The following TOGARAM1 variants were observed in gnomAD, a reference collection of about 807,000 sequenced individuals.
TOGARAM1 encodes TOG array regulator of axonemal microtubules protein 1.
Under a neutral mutation model 166.6 loss-of-function variants are expected in TOGARAM1, and 100 were observed. The observed-to-expected ratio is 0.60, with a 90% CI of 0.51 to 0.71. The LOEUF (loss-of-function observed/expected upper bound fraction) is 0.71, where lower values mean the gene tolerates loss of function less well. Ranked by LOEUF, TOGARAM1 falls within the 30% of genes least tolerant of loss-of-function variation. The probability of loss-of-function intolerance (pLI) is 0.00; values close to 1 mark genes in which losing one functional copy is unlikely to be tolerated. For missense variants in TOGARAM1, 2,029 were observed against 2,102.7 expected, an observed-to-expected ratio of 0.96 and a Z score of 0.69; for synonymous variants, 758 against 763.8, an observed-to-expected ratio of 0.99 and a Z score of 0.13.
Position 45,013,941 on chromosome 14 carries a change from CGT to C in TOGARAM1, c.3238+1870_3238+1871del, listed in dbSNP as rs1879961054. On this transcript the variant is annotated intron_variant, in intron 7 of 19. Transcript: ENST00000361462. ...ATTTGAGTTCCCTTGTGACCCTAGT[CGT>C]GTGACCTTGGGAGTCATTTAAGTTT... 2.0e-5 allele frequency among the ~76,000 whole-genome samples: 3 copies of C among 151,808 alleles called. No homozygotes were observed. In the East Asian group the frequency reaches 5.8e-4, roughly 29 times the overall value.
At chr14:45,059,684 CAA>C (rs1349968746) in intron 16 of TOGARAM1, among the ~76,000 whole-genome samples, 1 of 151,000 alleles carries the variant, frequency 6.6e-6, no homozygotes, top group Non-Finnish European at 1.5e-5. Context: ...CAAAACAAAA[CAA>C]AAAACAAACA....
At chr14:45,039,951 G>A (rs1197625303) in intron 11 of TOGARAM1, among the ~76,000 whole-genome samples, 1 of 152,190 alleles carries the variant, frequency 6.6e-6, no homozygotes, top group African/African-American at 2.4e-5. Context: ...CTCCAGAGGG[G>A]CTGCCACTGC....
chr14:44,962,786 G>T lies in TOGARAM1; in HGVS notation c.365G>T (p.Arg122Leu). ...AFQALQAALP[R>L]RGGRLGFPRR... ...CAGGCTTTGCAAGCTGCTTTGCCGC[G>T]GCGGGGCGGTCGACTTGGCTTCCCC... Residue 122 changes from arginine (R) to leucine (L), a missense_variant, in exon 1 of 20, where the codon CGG becomes CTG. This residue lies in a region of TOGARAM1 where 1,453 missense variants were observed against 1,432.2 expected (regional missense o/e 1.01). Transcript: ENST00000361462. The T allele has an allele frequency of 6.2e-7, 1 of 1,612,548 alleles. No homozygotes were observed. The highest frequency in any genetic ancestry group is 8.5e-7 in the Non-Finnish European group (1 of 1,180,008).
At chr14:45,068,894 A>G (rs570307552) in intron 18 of TOGARAM1, among the ~76,000 whole-genome samples, 43 of 152,212 alleles carry the variant, frequency 2.8e-4, no homozygotes, top group African/African-American at 1.0e-3. Context: ...CACATCTGCT[A>G]ACAAAACTAA....
chr14:45,039,457 A>G (rs1307168792), intron 11 of TOGARAM1, among the ~76,000 whole-genome samples: 5 of 151,878 alleles, frequency 3.3e-5, no homozygotes, highest in Admixed American at 2.0e-4. Flanking sequence ...GCCACCATCA[A>G]CCTGCTGTCC....
chr14:45,011,822 C>T, intron 6 of TOGARAM1, 153 bp from the exon 7 acceptor site: 1 of 543,222 alleles, frequency 1.8e-6, no homozygotes, highest in Non-Finnish European at 3.3e-6. Context: ...TATACACACA[C>T]ACTGTTAGCC....
Position 45,008,983 on chromosome 14 carries a change from C to A in TOGARAM1, c.2975C>A (p.Ser992Ter). The A allele has an allele frequency of 6.2e-7, 1 of 1,614,072 alleles. No individual in the cohort carries two copies. Among genetic ancestry groups the A allele is most frequent in the Non-Finnish European group, 8.5e-7 (1 of 1,179,994 alleles). The change falls in exon 6 of 20, where the codon TCA becomes TAA. Residue 992 changes from serine (S) to a stop codon, truncating the protein, a stop_gained. Transcript: ENST00000361462. LOFTEE classifies it high-confidence loss of function. Reference protein sequence around the residue: ...KKRAKLSGSTSDLESPDSAMK... With the variant: ...KKRAKLSGST ...AGAGCAAAACTGAGTGGCAGTACTT[C>A]AGATCTTGAAAGCCCTGATTCTGCA...
At chr14:44,989,947 G>A (rs1050532838) in intron 1 of TOGARAM1, among the ~76,000 whole-genome samples, 4 of 152,112 alleles carry the variant, frequency 2.6e-5, no homozygotes, top group African/African-American at 7.2e-5. Flanking sequence ...GAGAGAGAGC[G>A]AATATGTGAA....
At position 45,068,737 on chromosome 14, in the gene TOGARAM1, G is replaced by A. The variant is rs1883249944; in HGVS notation, c.4969+94G>A. 9.2e-6 allele frequency: 8 copies of A among 872,344 alleles called. No homozygotes were observed. In the South Asian group the frequency reaches 1.8e-4, roughly 20 times the overall value. The allele number at this position is 872,344 out of a possible 1,614,324, so 54.0% of individuals were successfully genotyped here. On this transcript the variant is annotated intron_variant, in intron 18 of 19. Coordinates refer to ENST00000361462, the MANE Select transcript of TOGARAM1 (RefSeq NM_001308120.2). ...CTTTTTTTGTAATGCTGAAATCCTA[G>A]TTATTCAGTTTTTTAAACTTAATAT...
At chr14:45,015,159 G>A (rs1263185850) in intron 7 of TOGARAM1, among the ~76,000 whole-genome samples, 1 of 151,814 alleles carries the variant, frequency 6.6e-6, no homozygotes, top group African/African-American at 2.4e-5. Context: ...TTAAAAAGTA[G>A]CGGAGAATGG....
At chr14:45,025,597 T>TTA in intron 7 of TOGARAM1, 186 bp from the exon 8 acceptor site, 2 of 441,390 alleles carry the variant, frequency 4.5e-6, no homozygotes, top group Non-Finnish European at 8.0e-6. Flanking sequence ...AAGGTTTAAG[T>TTA]GCCTAGTCCA....
chr14:45,026,312 G>C (rs967733134), intron 8 of TOGARAM1, among the ~76,000 whole-genome samples: 1 of 152,022 alleles, frequency 6.6e-6, no homozygotes, highest in East Asian at 1.9e-4. Flanking sequence ...CAAAATTATT[G>C]CAAGTATCCT....
At chr14:45,035,232 C>T (rs1031674454) in intron 11 of TOGARAM1, among the ~76,000 whole-genome samples, 7 of 151,966 alleles carry the variant, frequency 4.6e-5, no homozygotes, top group Non-Finnish European at 1.0e-4. Flanking sequence ...TGGTGATGCA[C>T]ACCTGTAGTC....
chr14:44,983,799 A>T (rs376691666), intron 1 of TOGARAM1, among the ~76,000 whole-genome samples: 2 of 152,234 alleles, frequency 1.3e-5, no homozygotes, highest in Non-Finnish European at 2.9e-5. Flanking sequence ...ATTGTGATGC[A>T]TGAAGAGTTT....
At chr14:45,055,577 G>T (rs1457823180) in intron 16 of TOGARAM1, among the ~76,000 whole-genome samples, 1 of 151,996 alleles carries the variant, frequency 6.6e-6, no homozygotes, top group African/African-American at 2.4e-5. Context: ...TGCTGAGGCG[G>T]GTGGATCACG....
intron 1 of TOGARAM1, among the ~76,000 whole-genome samples, chr14:44,993,140 T>G (rs549181940): frequency 2.4e-4 from 36 of 151,674 alleles, no homozygotes; most frequent in Non-Finnish European, 4.1e-4. Flanking sequence ...AAAATAAAAT[T>G]AGCTGGGTGT....
chr14:44,999,550 G>A, intron 3 of TOGARAM1, 53 bp downstream of exon 3: 1 of 1,434,804 alleles, frequency 7.0e-7, no homozygotes, highest in Non-Finnish European at 9.4e-7. Context: ...ATTATGTGGG[G>A]ATTCCAACAC....
chr14:45,026,217 T>C (rs1186209886), intron 8 of TOGARAM1, among the ~76,000 whole-genome samples: 1 of 152,160 alleles, frequency 6.6e-6, no homozygotes, highest in African/African-American at 2.4e-5. Context: ...CAATATAAAT[T>C]AATATAATTA....
At chr14:45,023,978 T>A (rs535105649) in intron 7 of TOGARAM1, among the ~76,000 whole-genome samples, 17 of 152,262 alleles carry the variant, frequency 1.1e-4, no homozygotes, top group African/African-American at 3.4e-4. Flanking sequence ...TGACCTCAGG[T>A]GATCTGCCCA....
Sources: allele counts gnomAD v4.1 joint callset (sites outside exome capture counted in the v4.1 genomes callset), GRCh38; gene constraint gnomAD v4.1.1; regional missense constraint gnomAD v4.1.1; transcripts MANE v1.5; gene names NCBI Gene and HGNC (gene_info 2026-07-23, HGNC 2026-07-21).